Variants in ANKS1B observed in about 807,000 individuals in gnomAD.
ANKS1B encodes ankyrin repeat and sterile alpha motif domain containing 1B, also known as ankyrin repeat and sterile alpha motif domain-containing protein 1B.
A neutral mutation model predicts 148.3 loss-of-function variants in ANKS1B; 36 were observed. That is an observed-to-expected ratio of 0.24 (90% CI 0.19 to 0.32). The LOEUF (loss-of-function observed/expected upper bound fraction) is 0.32, where lower values mean the gene tolerates loss of function less well. ANKS1B is among the 10% of genes least tolerant of loss of function. The pLI is 1.00. For synonymous variants in ANKS1B, 542 were observed against 560.8 expected, an observed-to-expected ratio of 0.97 and a Z score of 0.47; for missense variants, 1,157 against 1,542.6, an observed-to-expected ratio of 0.75 and a Z score of 4.19.
chr12:99,701,579 A>G (rs1380047839), intron 8 of ANKS1B, among the ~76,000 whole-genome samples: 2 of 152,116 alleles, frequency 1.3e-5, no homozygotes, highest in African/African-American at 4.8e-5. Context: ...AATGTACAAC[A>G]TATTATTGCC....
chr12:98,876,446 C>A (rs750381275), intron 17 of ANKS1B, among the ~76,000 whole-genome samples: 5 of 152,182 alleles, frequency 3.3e-5, no homozygotes, highest in Non-Finnish European at 7.3e-5. Flanking sequence ...TGTAATCTAT[C>A]AATTAATGTA....
chr12:98,903,282 C>T (rs2099774632), intron 17 of ANKS1B, among the ~76,000 whole-genome samples: 1 of 152,102 alleles, frequency 6.6e-6, no homozygotes, highest in African/African-American at 2.4e-5. Flanking sequence ...GGACCCAACT[C>T]TCCCACACTT....
chr12:99,111,838 C>A (rs1356748762), intron 15 of ANKS1B, among the ~76,000 whole-genome samples: 1 of 152,038 alleles, frequency 6.6e-6, no homozygotes, highest in African/African-American at 2.4e-5. Flanking sequence ...AATATGATCT[C>A]ATATGCCTTG....
intron 19 of ANKS1B, among the ~76,000 whole-genome samples, chr12:98,811,273 AG>A (rs1191168154): frequency 1.3e-5 from 2 of 152,134 alleles, no homozygotes; most frequent in Admixed American, 1.3e-4. Flanking sequence ...CAGCCCTCCT[AG>A]GACACATGCA....
intron 16 of ANKS1B, among the ~76,000 whole-genome samples, chr12:99,063,442 A>T (rs1310694906): frequency 6.6e-6 from 1 of 152,156 alleles, no homozygotes; most frequent in Admixed American, 6.6e-5. Flanking sequence ...AGGCTGTGAG[A>T]CCTGGGCTTA....
rs367611289 is a variant in ANKS1B at position 99,568,418 on chromosome 12, G to GC, written c.1273-63778dup. On this transcript the variant is annotated intron_variant, in intron 9 of 26. Coordinates refer to ENST00000683438, the MANE Select transcript of ANKS1B (RefSeq NM_001352186.2). Reference sequence around the variant, plus strand: ...TAAAATCCTTGGCTTACTCACACCTGCAAAATCTCTTTTTTACAGAAGGTA... The same window carrying GC: ...TAAAATCCTTGGCTTACTCACACCTGCCAAAATCTCTTTTTTACAGAAGGTA... 2.5e-3 allele frequency among the ~76,000 whole-genome samples: 387 copies of GC among 152,250 alleles called. 1 individual carries two copies. The highest frequency in any genetic ancestry group is 8.3e-3 in the African/African-American group (344 of 41,548).
At chr12:99,010,690 T>C (rs2099938803) in intron 17 of ANKS1B, among the ~76,000 whole-genome samples, 1 of 151,754 alleles carries the variant, frequency 6.6e-6, no homozygotes, top group Non-Finnish European at 1.5e-5. Context: ...TCTTTGGAAA[T>C]AAAAATATAA....
At chr12:98,927,230 C>G (rs2099809432) in intron 17 of ANKS1B, among the ~76,000 whole-genome samples, 1 of 152,014 alleles carries the variant, frequency 6.6e-6, no homozygotes, top group African/African-American at 2.4e-5. Flanking sequence ...TTCAAAGTGC[C>G]AAGAATTTTA....
At chr12:99,056,110 G>A (rs143736093) in intron 16 of ANKS1B, among the ~76,000 whole-genome samples, 84 of 152,224 alleles carry the variant, frequency 5.5e-4, no homozygotes, top group Middle Eastern at 6.8e-3. Flanking sequence ...AGTATCATCC[G>A]CCCACTCATT....
intron 14 of ANKS1B, among the ~76,000 whole-genome samples, chr12:99,236,380 G>A (rs1042753713): frequency 7.2e-5 from 11 of 152,176 alleles, no homozygotes; most frequent in Non-Finnish European, 1.5e-4. Context: ...GGCTGAGGAG[G>A]CCTCAGGAAA....
chr12:99,596,638 G>C (rs1008546718), intron 9 of ANKS1B, among the ~76,000 whole-genome samples: 6 of 151,802 alleles, frequency 4.0e-5, no homozygotes, highest in Admixed American at 3.3e-4. Flanking sequence ...ATAATTGTGA[G>C]ACCAAAAAAT....
At chr12:99,712,672 G>A (rs2056797043) in intron 8 of ANKS1B, among the ~76,000 whole-genome samples, 1 of 152,198 alleles carries the variant, frequency 6.6e-6, no homozygotes, top group Non-Finnish European at 1.5e-5. Flanking sequence ...GATCTGTGAA[G>A]CTAGAAAATA....
rs148529239 is a variant in ANKS1B at position 99,729,828 on chromosome 12, G to C, written c.1128+43094C>G. ...TAATGACTAGCTGGACTATTTTAGT[G>C]ATGTTCACTGTCATCCTCATCTTTG... On this transcript the variant is annotated intron_variant, in intron 8 of 26. Transcript: ENST00000683438. Among the ~76,000 whole-genome samples, 274 of 152,290 alleles carry C rather than the reference G, an allele frequency of 1.8e-3. 1 individual carries two copies. Among genetic ancestry groups the C allele is most frequent in the Non-Finnish European group, 3.5e-3 (235 of 68,018 alleles).
chr12:99,415,011 T>C (rs2094849641), intron 11 of ANKS1B, among the ~76,000 whole-genome samples: 1 of 152,230 alleles, frequency 6.6e-6, no homozygotes, highest in Non-Finnish European at 1.5e-5. Flanking sequence ...TTGGAAAGAC[T>C]GTATACACAC....
intron 1 of ANKS1B, among the ~76,000 whole-genome samples, chr12:99,902,675 A>G (rs2093638847): frequency 6.6e-6 from 1 of 152,022 alleles, no homozygotes. Flanking sequence ...TGAGACTACA[A>G]AGATTAGGCA....
At chr12:99,067,054 C>T (rs560808988) in intron 16 of ANKS1B, among the ~76,000 whole-genome samples, 262 of 152,338 alleles carry the variant, frequency 1.7e-3, no homozygotes, top group African/African-American at 6.1e-3. Flanking sequence ...ATTTTAAAAT[C>T]TGGCACTCTG....
intron 14 of ANKS1B, among the ~76,000 whole-genome samples, chr12:99,225,355 A>G (rs2085743915): frequency 6.6e-6 from 1 of 152,152 alleles, no homozygotes; most frequent in Non-Finnish European, 1.5e-5. Flanking sequence ...TTGATTATCA[A>G]GAAGCTCAGA....
At chr12:98,888,869 T>C (rs2099746073) in intron 17 of ANKS1B, among the ~76,000 whole-genome samples, 2 of 152,232 alleles carry the variant, frequency 1.3e-5, no homozygotes, top group Non-Finnish European at 2.9e-5. Context: ...ACTTCCTTTG[T>C]ATCAATCCTC....
intron 12 of ANKS1B, among the ~76,000 whole-genome samples, chr12:99,393,123 T>TAGATAGAC (rs1555414118): frequency 1.4e-5 from 2 of 145,542 alleles, no homozygotes; most frequent in East Asian, 3.9e-4. Flanking sequence ...GATAGATAGA[T>TAGATAGAC]AGATAGACAG....
Sources: gnomAD v4.1 joint callset for allele counts (sites outside exome capture counted in the v4.1 genomes callset) on GRCh38, gnomAD v4.1.1 for gene constraint, MANE v1.5 for transcripts, NCBI Gene and HGNC (gene_info 2026-07-23, HGNC 2026-07-21) for gene names.